The following C8A variants were observed in gnomAD, a reference collection of about 807,000 sequenced individuals.
C8A encodes complement component C8 alpha chain.
A neutral mutation model predicts 65.3 loss-of-function variants in C8A; 67 were observed. The ratio of observed to expected loss-of-function variants is 1.03; its 90% CI spans 0.84 to 1.26. C8A has a LOEUF of 1.26. Ranked by LOEUF, C8A falls within the 50% of genes most tolerant of loss-of-function variation. The pLI, the probability that C8A is intolerant of heterozygous loss-of-function variation, is 0.00. For missense variants in C8A, 781 were observed against 723.9 expected (o/e 1.08, Z -0.90); for synonymous variants, 290 against 259.4 (o/e 1.12, Z -1.13).
intron 6 of C8A, among the ~76,000 whole-genome samples, chr1:56,884,571 C>T (rs1396364674): frequency 6.6e-6 from 1 of 152,118 alleles, no homozygotes; most frequent in Non-Finnish European, 1.5e-5. Flanking sequence ...AGCTATTGAG[C>T]TGAAGGTAAA....
Position 56,907,987 on chromosome 1 carries a change from C to T in C8A, c.1254C>T (p.Asp418=). Residue 418 remains aspartate, a synonymous_variant, in exon 9 of 11, where the codon GAC becomes GAT. Transcript: ENST00000361249. ...ERARKAMAVE[D]IISRVRGGSS... is the part of the protein sequence containing the mutation. ...CCAGGAAGGCCATGGCTGTGGAAGA[C>T]ATTATTTCTCGGGTGCGAGGTGGCA... is the stretch of plus-strand genomic sequence containing the variant. The T allele has an allele frequency of 1.9e-6, 3 of 1,614,162 alleles. No homozygotes were observed. Among genetic ancestry groups the T allele is most frequent in the Non-Finnish European group, 2.5e-6 (3 of 1,180,022 alleles).
In C8A at chr1:56,886,186, C is replaced by G; in HGVS notation, c.1096+19C>G. The G allele has an allele frequency of 6.2e-7, 1 of 1,613,400 alleles. No homozygotes were observed. On this transcript the variant is annotated intron_variant, in intron 7 of 10. Transcript: ENST00000361249. ...TCCCTTGGTAAGTAAAGCAGAAGCT[C>G]TATGTACACAGTAGTCAACACAGAC...
chr1:56,885,378 ATTT>A (rs1644286462), intron 6 of C8A, among the ~76,000 whole-genome samples: 2 of 127,278 alleles, frequency 1.6e-5, no homozygotes, highest in South Asian at 4.9e-4. Context: ...ATTTATATTT[ATTT>A]AAATATATAT....
In C8A at chr1:56,862,860, T is replaced by G. The variant is rs553518376; in HGVS notation, c.78-4749T>G. Among the ~76,000 whole-genome samples the G allele has an allele frequency of 2.6e-5, 4 of 152,300 alleles. No individual in the cohort carries two copies. In the East Asian group the frequency reaches 7.7e-4, roughly 29 times the overall value. On this transcript the variant is annotated intron_variant, in intron 1 of 10. Coordinates refer to ENST00000361249, the MANE Select transcript of C8A (RefSeq NM_000562.3). ...ATGGCTCCTTAAGTAATTAAAAAAT[T>G]TATACAGTTCTTTTGGAAAGCCATT...
chr1:56,879,464 G>T (rs1644229917), intron 4 of C8A, among the ~76,000 whole-genome samples: 1 of 152,046 alleles, frequency 6.6e-6, no homozygotes, highest in East Asian at 1.9e-4. Flanking sequence ...ATACTCTTAG[G>T]GATTACCGTT....
At chr1:56,861,053 A>C (rs1644028893) in intron 1 of C8A, among the ~76,000 whole-genome samples, 1 of 152,230 alleles carries the variant, frequency 6.6e-6, no homozygotes, top group Non-Finnish European at 1.5e-5. Context: ...ATGGTTGTGC[A>C]AGTTGTACAA....
In C8A at chr1:56,917,635, GA is replaced by G. The variant is rs761605663; in HGVS notation, c.1675del (p.Arg559GlufsTer54). The G allele has an allele frequency of 1.2e-6, 2 of 1,614,192 alleles. No homozygotes were observed. Among genetic ancestry groups the G allele is most frequent in the Non-Finnish European group, 1.7e-6 (2 of 1,180,022 alleles). Reference protein sequence around the residue: ...SVCRAGIQERRRECDNPAPQN... With the variant: ...SVCRAGIQERXRECDNPAPQN... ...TATGCAGAGCAGGCATCCAGGAAAGGAGAAGAGAGTGTGACAATCCAGCACC... is the reference window on the plus strand; with the variant it reads ...TATGCAGAGCAGGCATCCAGGAAAGGGAAGAGAGTGTGACAATCCAGCACC... On this transcript the variant is annotated frameshift_variant, in exon 11 of 11. Coordinates refer to ENST00000361249, the MANE Select transcript of C8A (RefSeq NM_000562.3). LOFTEE classifies it high-confidence loss of function.
At chr1:56,865,978 T>G (rs1644083767) in intron 1 of C8A, among the ~76,000 whole-genome samples, 1 of 152,216 alleles carries the variant, frequency 6.6e-6, no homozygotes, top group South Asian at 2.1e-4. Context: ...CAATGGATTT[T>G]AATGTGACAG....
At chr1:56,906,912 C>T (rs1212323936) in intron 8 of C8A, 120 bp downstream of exon 8, 3 of 1,238,296 alleles carry the variant, frequency 2.4e-6, no homozygotes, top group Non-Finnish European at 2.4e-6. Flanking sequence ...GATCAGACTG[C>T]ATAGACGCTA....
intron 7 of C8A, among the ~76,000 whole-genome samples, chr1:56,898,660 TAGA>T (rs1431002683): frequency 2.6e-5 from 4 of 152,156 alleles, no homozygotes; most frequent in African/African-American, 9.7e-5. Flanking sequence ...ACTCAGGACT[TAGA>T]TCTGAGTATC....
At chr1:56,910,442 C>T (rs945596589) in intron 9 of C8A, among the ~76,000 whole-genome samples, 3 of 152,192 alleles carry the variant, frequency 2.0e-5, no homozygotes, top group Non-Finnish European at 4.4e-5. Flanking sequence ...CACCAGTCCA[C>T]CCTATGGAGG....
Position 56,876,042 on chromosome 1 carries a change from C to T in C8A, c.317-20C>T. 1 of 1,612,214 alleles carries T rather than the reference C, an allele frequency of 6.2e-7. No homozygotes were observed. The highest frequency in any genetic ancestry group is 8.5e-7 in the Non-Finnish European group (1 of 1,179,290). On this transcript the variant is annotated intron_variant, in intron 3 of 10. Coordinates refer to ENST00000361249, the MANE Select transcript of C8A (RefSeq NM_000562.3). ...AGGGAGAGGGGAACCCGAGGAGCAG[C>T]CACAGTCTCTTCTCTCCAGGTCGCT... is the stretch of plus-strand genomic sequence containing the variant.
chr1:56,910,205 G>A (rs1411110283), intron 9 of C8A, among the ~76,000 whole-genome samples: 1 of 152,180 alleles, frequency 6.6e-6, no homozygotes, highest in African/African-American at 2.4e-5. Flanking sequence ...AGTGCTTAGA[G>A]TTTGTGAATG....
In C8A at chr1:56,912,493, C is replaced by A. The variant is rs1644516761; in HGVS notation, c.1471C>A (p.Leu491Met). The A allele has an allele frequency of 6.2e-7, 1 of 1,614,118 alleles. No individual in the cohort carries two copies. Among genetic ancestry groups the A allele is most frequent in the Admixed American group, 1.7e-5 (1 of 60,012 alleles). The change falls in exon 10 of 11, where the codon CTG becomes ATG. Residue 491 changes from leucine to methionine, a missense_variant. Coordinates refer to ENST00000361249, the MANE Select transcript of C8A (RefSeq NM_000562.3). Reference sequence around the variant, plus strand: ...CCTGCGCCGCGCCTTGGACCAGTATCTGATGGAATTCAATGCCTGCCGATG... The same window carrying A: ...CCTGCGCCGCGCCTTGGACCAGTATATGATGGAATTCAATGCCTGCCGATG... Reference protein sequence around the residue: ...QNLRRALDQYLMEFNACRCGP... With the variant: ...QNLRRALDQYMMEFNACRCGP...
intron 1 of C8A, among the ~76,000 whole-genome samples, chr1:56,867,176 T>A (rs1644097457): frequency 6.6e-6 from 1 of 152,190 alleles, no homozygotes; most frequent in Non-Finnish European, 1.5e-5. Context: ...TAATGTTTTT[T>A]AATGTAGTTT....
chr1:56,908,193 A>G, intron 9 of C8A, 80 bp downstream of exon 9: 1 of 1,437,620 alleles, frequency 7.0e-7, no homozygotes, highest in Non-Finnish European at 9.8e-7. Context: ...CATATTTCTT[A>G]TTATGAGCCC....
intron 4 of C8A, among the ~76,000 whole-genome samples, chr1:56,880,487 T>C (rs1468280148): frequency 6.6e-6 from 1 of 152,118 alleles, no homozygotes; most frequent in African/African-American, 2.4e-5. Flanking sequence ...TGCAGAGAGC[T>C]TCTAGACTGT....
chr1:56,890,860 C>T (rs922513576), intron 7 of C8A, among the ~76,000 whole-genome samples: 2 of 152,086 alleles, frequency 1.3e-5, no homozygotes, highest in South Asian at 2.1e-4. Flanking sequence ...TTTGTTATAT[C>T]ACCCTATTTT....
At chr1:56,904,073 G>A (rs1260833226) in intron 7 of C8A, among the ~76,000 whole-genome samples, 1 of 152,136 alleles carries the variant, frequency 6.6e-6, no homozygotes, top group Admixed American at 6.5e-5. Flanking sequence ...ACCTATCTGG[G>A]CAAGTTCTTT....
Sources: gnomAD v4.1 joint callset for allele counts (sites outside exome capture counted in the v4.1 genomes callset) on GRCh38, gnomAD v4.1.1 for gene constraint, MANE v1.5 for transcripts, NCBI Gene and HGNC (gene_info 2026-07-23, HGNC 2026-07-21) for gene names.